DLG2: variants seen among roughly 807,000 people sequenced by gnomAD.
DLG2 encodes disks large homolog 2.
DLG2 carries 45 observed loss-of-function variants against 132.5 expected under a neutral mutation model. That is an observed-to-expected ratio of 0.34 (90% CI 0.27 to 0.44). The LOEUF is 0.44. Among genes scored for constraint, DLG2 ranks in the 20% least tolerant of loss-of-function variants. DLG2 has a pLI of 1.00. For synonymous variants in DLG2, 424 were observed against 419.6 expected, an observed-to-expected ratio of 1.01 and a Z score of -0.13; for missense variants, 1,045 against 1,196.9, an observed-to-expected ratio of 0.87 and a Z score of 1.87.
chr11:83,765,682 C>A (rs1484450635), intron 18 of DLG2, among the ~76,000 whole-genome samples: 2 of 152,160 alleles, frequency 1.3e-5, no homozygotes, highest in Non-Finnish European at 2.9e-5. Context: ...GCCAAGTAGA[C>A]CTTGCTTTTT....
At chr11:85,555,533 CTCT>C (rs1270699770) in intron 3 of DLG2, among the ~76,000 whole-genome samples, 1 of 151,906 alleles carries the variant, frequency 6.6e-6, no homozygotes, top group Non-Finnish European at 1.5e-5. Flanking sequence ...TTCTAAGCAT[CTCT>C]TGTTTTTTCC....
At chr11:84,631,018 TCACA>T (rs372331224) in intron 6 of DLG2, among the ~76,000 whole-genome samples, 1,038 of 94,040 alleles carry the variant, frequency 0.011, 9 homozygotes, top group South Asian at 0.037. Flanking sequence ...TCTCTCTCTC[TCACA>T]CACACACACA....
chr11:83,566,664 T>G (rs2096713912), intron 19 of DLG2, among the ~76,000 whole-genome samples: 1 of 151,820 alleles, frequency 6.6e-6, no homozygotes, highest in African/African-American at 2.4e-5. Context: ...GTTGTTTATA[T>G]AGTAGACCAA....
intron 6 of DLG2, among the ~76,000 whole-genome samples, chr11:85,086,909 TAA>T (rs1243381865): frequency 6.6e-6 from 1 of 152,202 alleles, no homozygotes; most frequent in African/African-American, 2.4e-5. Context: ...CAGAATACAG[TAA>T]GTTTAACATA....
chr11:84,176,927 T>G (rs2095987920), intron 8 of DLG2, among the ~76,000 whole-genome samples: 1 of 152,070 alleles, frequency 6.6e-6, no homozygotes, highest in Non-Finnish European at 1.5e-5. Context: ...TCCTTTTCTT[T>G]TCTTTTCTTT....
intron 6 of DLG2, among the ~76,000 whole-genome samples, chr11:84,769,961 T>G (rs1358897118): frequency 6.6e-6 from 1 of 152,284 alleles, no homozygotes; most frequent in African/African-American, 2.4e-5. Context: ...TTATAAGAGA[T>G]CTCGGTATAG....
chr11:84,395,451 C>T (rs1448371547), intron 7 of DLG2, among the ~76,000 whole-genome samples: 1 of 152,116 alleles, frequency 6.6e-6, no homozygotes, highest in Non-Finnish European at 1.5e-5. Flanking sequence ...GGGTCTCATT[C>T]TGTCACCCAG....
At chr11:83,649,904 A>G (rs1230695897) in intron 18 of DLG2, among the ~76,000 whole-genome samples, 1 of 152,162 alleles carries the variant, frequency 6.6e-6, no homozygotes, top group Non-Finnish European at 1.5e-5. Flanking sequence ...AGGTTTCTCA[A>G]TGTGCTCTTG....
intron 6 of DLG2, among the ~76,000 whole-genome samples, chr11:84,857,222 C>T (rs1009151297): frequency 6.6e-6 from 1 of 151,618 alleles, no homozygotes; most frequent in Non-Finnish European, 1.5e-5. Context: ...GAAGCAAAGT[C>T]GAAAAGAAAA....
intron 7 of DLG2, among the ~76,000 whole-genome samples, chr11:84,304,325 C>T (rs1197403778): frequency 6.6e-6 from 1 of 152,122 alleles, no homozygotes; most frequent in Non-Finnish European, 1.5e-5. Context: ...GGAAACTAAC[C>T]GCGATGTAAG....
At chr11:83,579,956 C>G (rs369647214) in intron 19 of DLG2, among the ~76,000 whole-genome samples, 1 of 151,538 alleles carries the variant, frequency 6.6e-6, no homozygotes, top group South Asian at 2.1e-4. Context: ...GGTGACAGAG[C>G]GAGACTCTAT....
intron 11 of DLG2, among the ~76,000 whole-genome samples, chr11:84,058,838 G>T (rs142837283): frequency 2.6e-5 from 4 of 151,848 alleles, no homozygotes; most frequent in Admixed American, 2.6e-4. Context: ...GCTACTGCAA[G>T]CATAAAATGT....
At chr11:84,757,431 T>C (rs994130927) in intron 6 of DLG2, among the ~76,000 whole-genome samples, 6 of 152,088 alleles carry the variant, frequency 3.9e-5, no homozygotes, top group Non-Finnish European at 7.4e-5. Context: ...CACACACACA[T>C]ACACACCTTT....
chr11:84,330,086 T>A (rs1302553258), intron 7 of DLG2, among the ~76,000 whole-genome samples: 1 of 152,148 alleles, frequency 6.6e-6, no homozygotes, highest in Non-Finnish European at 1.5e-5. Flanking sequence ...ACCTGGCACA[T>A]AATTATGCTC....
intron 6 of DLG2, among the ~76,000 whole-genome samples, chr11:85,065,093 G>C (rs994669465): frequency 3.3e-5 from 5 of 151,544 alleles, no homozygotes; most frequent in African/African-American, 1.2e-4. Flanking sequence ...GCAGTGGAGA[G>C]GGGTGGGAGG....
At chr11:85,191,947 T>C (rs1419382869) in intron 4 of DLG2, among the ~76,000 whole-genome samples, 1 of 152,174 alleles carries the variant, frequency 6.6e-6, no homozygotes, top group African/African-American at 2.4e-5. Context: ...CCCCAAGTAA[T>C]GCGGTTACCT....
chr11:85,536,492 T>TCCTTGG (rs919594874), intron 3 of DLG2, among the ~76,000 whole-genome samples: 4 of 152,230 alleles, frequency 2.6e-5, no homozygotes, highest in Admixed American at 6.5e-5. Context: ...TCTTGGGGCC[T>TCCTTGG]CCTTGGCCTT....
chr11:85,615,149 A>C (rs547364335), intron 2 of DLG2, among the ~76,000 whole-genome samples: 6 of 152,362 alleles, frequency 3.9e-5, no homozygotes, highest in African/African-American at 1.2e-4. Context: ...CCATGCTTTC[A>C]AATTTTCTAT....
chr11:84,915,098 T>A (rs2092371356), intron 6 of DLG2, among the ~76,000 whole-genome samples: 1 of 152,196 alleles, frequency 6.6e-6, no homozygotes, highest in South Asian at 2.1e-4. Context: ...TAATTCATCA[T>A]CTTTTCATTT....
Sources: gnomAD v4.1 joint callset for allele counts (sites outside exome capture counted in the v4.1 genomes callset) on GRCh38, gnomAD v4.1.1 for gene constraint, MANE v1.5 for transcripts, NCBI Gene and HGNC (gene_info 2026-07-23, HGNC 2026-07-21) for gene names.